The following STK32B variants were observed in gnomAD, a reference collection of about 807,000 sequenced individuals.
STK32B encodes the protein serine/threonine-protein kinase 32B.
In STK32B, 43 loss-of-function variants were observed where a neutral mutation model predicts 52.6. The ratio of observed to expected loss-of-function variants is 0.82; its 90% CI spans 0.64 to 1.05. The LOEUF (loss-of-function observed/expected upper bound fraction) is 1.05, where lower values mean the gene tolerates loss of function less well. Ranked by LOEUF, STK32B falls within the 50% of genes least tolerant of loss-of-function variation. The probability of loss-of-function intolerance (pLI) is 0.00; values close to 1 mark genes in which losing one functional copy is unlikely to be tolerated. For missense variants in STK32B, 621 were observed against 534.6 expected (o/e 1.16, Z -1.59); for synonymous variants, 238 against 204.3 (o/e 1.17, Z -1.41).
chr4:5,420,245 G>A (rs533710086), intron 6 of STK32B, among the ~76,000 whole-genome samples: 53 of 152,260 alleles, frequency 3.5e-4, no homozygotes, highest in Non-Finnish European at 6.3e-4. Context: ...AAAAATACCA[G>A]CAGATATCCA....
chr4:5,446,881 C>G, intron 7 of STK32B, 105 bp downstream of exon 7: 1 of 1,065,092 alleles, frequency 9.4e-7, no homozygotes, highest in Non-Finnish European at 1.4e-6. Flanking sequence ...GGAAGGAGCA[C>G]TGGGGGAGTC....
intron 3 of STK32B, among the ~76,000 whole-genome samples, 200 bp from the exon 4 acceptor site, chr4:5,331,020 G>A (rs1205290127): frequency 6.6e-6 from 1 of 152,072 alleles, no homozygotes; most frequent in Non-Finnish European, 1.5e-5. Flanking sequence ...TAAGAAATGA[G>A]GAAACCCCAA....
chr4:5,060,757 C>T (rs1008539616), intron 1 of STK32B, among the ~76,000 whole-genome samples: 4 of 152,170 alleles, frequency 2.6e-5, no homozygotes, highest in African/African-American at 7.2e-5. Flanking sequence ...TTAGACTTTA[C>T]TTATGAGTGA....
intron 1 of STK32B, among the ~76,000 whole-genome samples, chr4:5,068,008 GAT>G (rs1711532973): frequency 6.6e-6 from 1 of 152,096 alleles, no homozygotes; most frequent in African/African-American, 2.4e-5. Context: ...CAGCACTGGG[GAT>G]TATAATTCAG....
chr4:5,286,490 C>T (rs75611261), intron 3 of STK32B, among the ~76,000 whole-genome samples: 3,255 of 152,228 alleles, frequency 0.021, 121 homozygotes, highest in African/African-American at 0.074. Context: ...AGGACAAACA[C>T]TGTAGTGATT....
chr4:5,156,375 C>G (rs1313722341), intron 2 of STK32B, among the ~76,000 whole-genome samples: 1 of 152,128 alleles, frequency 6.6e-6, no homozygotes, highest in Non-Finnish European at 1.5e-5. Context: ...TTGATTGACT[C>G]AGGGTTAGCA....
intron 3 of STK32B, among the ~76,000 whole-genome samples, chr4:5,204,436 GTTTGTTTTTGTTTTTTAGGTTT>G (rs1722405106): frequency 1.0e-5 from 1 of 99,696 alleles, no homozygotes; most frequent in African/African-American, 3.4e-5. Context: ...GGTTTTTTTT[GTTTGTTTTTGTTTTTTAGGTTT>G]TTTTGTTTTG....
At chr4:5,431,455 C>G (rs1294806999) in intron 6 of STK32B, among the ~76,000 whole-genome samples, 1 of 152,002 alleles carries the variant, frequency 6.6e-6, no homozygotes, top group South Asian at 2.1e-4. Context: ...TGCACTGATT[C>G]TAATTCTGTG....
At position 5,280,908 on chromosome 4, in the gene STK32B, A is replaced by T. The variant is rs57951320; in HGVS notation, c.261-50312A>T. On this transcript the variant is annotated intron_variant, in intron 3 of 11. Coordinates refer to ENST00000282908, the MANE Select transcript of STK32B (RefSeq NM_018401.3). ...AGTGAGACTCCATCTCAAAAACAAA[A>T]GCAAAAACAAAAACGAAACAAAACA... 3.6e-3 allele frequency among the ~76,000 whole-genome samples: 548 copies of T among 152,208 alleles called. 2 individuals carry two copies. Among genetic ancestry groups the T allele is most frequent in the African/African-American group, 0.012 (492 of 41,540 alleles).
chr4:5,404,856 G>C (rs1469519225), intron 5 of STK32B, among the ~76,000 whole-genome samples: 1 of 143,608 alleles, frequency 7.0e-6, no homozygotes, highest in East Asian at 2.0e-4. Flanking sequence ...TGTGTTCTCT[G>C]TATGCGATTT....
chr4:5,026,501 C>G, the STK32B span, among the ~76,000 whole-genome samples: 1 of 152,170 alleles, frequency 6.6e-6, no homozygotes, highest in Non-Finnish European at 1.5e-5. Flanking sequence ...CTTATAAAAC[C>G]ATCAGATCTT....
intron 11 of STK32B, among the ~76,000 whole-genome samples, chr4:5,489,778 C>G (rs1222269922): frequency 6.6e-6 from 1 of 151,982 alleles, no homozygotes; most frequent in Non-Finnish European, 1.5e-5. Context: ...GTGACATGAA[C>G]TTTATAAAAT....
At chr4:5,167,371 C>T (rs941600848) in intron 2 of STK32B, among the ~76,000 whole-genome samples, 3 of 152,188 alleles carry the variant, frequency 2.0e-5, no homozygotes, top group African/African-American at 4.8e-5. Context: ...GTGAGATGGT[C>T]AAGGAGATGA....
chr4:5,042,877 C>A, the STK32B span, among the ~76,000 whole-genome samples: 1 of 151,838 alleles, frequency 6.6e-6, no homozygotes, highest in African/African-American at 2.4e-5. Context: ...GAGGCCGAGG[C>A]GGGTGGATCA....
the STK32B span, among the ~76,000 whole-genome samples, chr4:5,030,357 C>G: frequency 6.6e-6 from 1 of 152,216 alleles, no homozygotes; most frequent in Non-Finnish European, 1.5e-5. Flanking sequence ...AGCTGGTCAT[C>G]TCCGGATCCC....
At chr4:5,397,018 C>G in intron 4 of STK32B, among the ~76,000 whole-genome samples, 1 of 152,178 alleles carries the variant, frequency 6.6e-6, no homozygotes, top group East Asian at 1.9e-4. Flanking sequence ...TGAAAAGTCA[C>G]AATGAAAATA....
intron 3 of STK32B, among the ~76,000 whole-genome samples, chr4:5,231,544 A>G (rs553050298): frequency 3.3e-4 from 50 of 152,142 alleles, no homozygotes; most frequent in Non-Finnish European, 5.7e-4. Context: ...CCTGGGAGGC[A>G]GAGGTTGCAG....
At chr4:5,275,137 C>G (rs951540398) in intron 3 of STK32B, among the ~76,000 whole-genome samples, 4 of 152,176 alleles carry the variant, frequency 2.6e-5, no homozygotes, top group Admixed American at 6.5e-5. Flanking sequence ...AAGTGGCCCA[C>G]CGCCATTTTG....
Position 5,420,506 on chromosome 4 carries a change from G to A in STK32B, c.562+3572G>A, listed in dbSNP as rs543731513. Among the ~76,000 whole-genome samples the A allele has an allele frequency of 5.3e-5, 8 of 152,258 alleles. No individual in the cohort carries two copies. In the South Asian group the frequency reaches 1.5e-3, roughly 28 times the overall value. On this transcript the variant is annotated intron_variant, in intron 6 of 11. Coordinates refer to ENST00000282908, the MANE Select transcript of STK32B (RefSeq NM_018401.3). ...TCTCTGGATTGTGCAGCAGAGTGGT[G>A]CTCACTCTGTAGGGGACCCAGCAAG...
Sources: gnomAD v4.1 joint callset for allele counts (sites outside exome capture counted in the v4.1 genomes callset) on GRCh38, gnomAD v4.1.1 for gene constraint, MANE v1.5 for transcripts, NCBI Gene and HGNC (gene_info 2026-07-23, HGNC 2026-07-21) for gene names.